Variants in DHX37 observed in about 807,000 individuals in gnomAD.
DHX37 encodes probable ATP-dependent RNA helicase DHX37.
A neutral mutation model predicts 134.3 loss-of-function variants in DHX37; 52 were observed. That is an observed-to-expected ratio of 0.39 (90% CI 0.31 to 0.49). The LOEUF (loss-of-function observed/expected upper bound fraction) is 0.49, where lower values mean the gene tolerates loss of function less well. DHX37 is among the 20% of genes least tolerant of loss of function. The pLI is 0.93. For synonymous variants in DHX37, 634 were observed against 670.7 expected (o/e 0.95, Z 0.85); for missense variants, 1,344 against 1,580.8 (o/e 0.85, Z 2.54).
intron 18 of DHX37, 67 bp downstream of exon 18, chr12:124,956,624 G>A (rs1450192648): frequency 2.1e-6 from 3 of 1,463,032 alleles, no homozygotes; most frequent in African/African-American, 2.9e-5. Context: ...GAGTAGCTGG[G>A]ACTCTCAGCC....
At chr12:124,954,262 G>T in intron 18 of DHX37, 51 bp from the exon 19 acceptor site, 1 of 1,518,584 alleles carries the variant, frequency 6.6e-7, no homozygotes, top group Non-Finnish European at 8.8e-7. Flanking sequence ...CTGCGCTCAG[G>T]GCCTCAGCGG....
intron 10 of DHX37, among the ~76,000 whole-genome samples, chr12:124,968,321 C>T (rs906587286): frequency 1.1e-4 from 16 of 152,098 alleles, no homozygotes; most frequent in African/African-American, 3.9e-4. Context: ...ATGGCAAGCT[C>T]CACCATCTGG....
intron 21 of DHX37, among the ~76,000 whole-genome samples, chr12:124,951,692 A>G (rs1953980292): frequency 6.6e-6 from 1 of 152,174 alleles, no homozygotes; most frequent in Non-Finnish European, 1.5e-5. Context: ...GGAGTTCAAG[A>G]CTAGCCTGGG....
chr12:124,973,532 T>C (rs7963891), intron 6 of DHX37, among the ~76,000 whole-genome samples: 80,191 of 151,212 alleles, frequency 0.53, 21,673 homozygotes, highest in East Asian at 0.79. Flanking sequence ...AGAGTACAGA[T>C]CCAACAGGCT....
chr12:124,965,015 A>C lies in DHX37; in HGVS notation c.1736-9T>G, dbSNP rs775814354. The C allele has an allele frequency of 1.9e-6, 3 of 1,589,946 alleles. No individual in the cohort carries two copies. In the East Asian group the frequency reaches 6.8e-5, roughly 36 times the overall value. On this transcript the variant is annotated splice_polypyrimidine_tract_variant and intron_variant, in intron 13 of 26. Transcript: ENST00000308736. ...GGCATCCGGCTGCTCACCTGGAGGG[A>C]AAGCAGAGGTCACTGGCACCCAGGC...
At chr12:124,975,087 C>T (rs1321279867) in intron 6 of DHX37, among the ~76,000 whole-genome samples, 1 of 152,140 alleles carries the variant, frequency 6.6e-6, no homozygotes, top group Non-Finnish European at 1.5e-5. Context: ...AGATTTTGTA[C>T]TTTAGAACCT....
At position 124,950,352 on chromosome 12, in the gene DHX37, G is replaced by C. The variant is rs562557745; in HGVS notation, c.3121+61C>G. 6.3e-6 allele frequency: 10 copies of C among 1,596,146 alleles called. No individual in the cohort carries two copies. In the African/African-American group the frequency reaches 1.3e-4, roughly 21 times the overall value. On this transcript the variant is annotated intron_variant, in intron 23 of 26. Coordinates refer to ENST00000308736, the MANE Select transcript of DHX37 (RefSeq NM_032656.4). ...GTCCGGGGGCAGGGGACAGGACCGTGTGTCCGAGAAGCCCACGGCTGCAGG... is the reference window on the plus strand; with the variant it reads ...GTCCGGGGGCAGGGGACAGGACCGTCTGTCCGAGAAGCCCACGGCTGCAGG...
At position 124,960,071 on chromosome 12, in the gene DHX37, G is replaced by A. The variant is rs114607252; in HGVS notation, c.2157+241C>T. ...CACGGACGGATAGTACATGAACAGC[G>A]TGCAGGACCCTGCTGCCTCTATTCC... is the stretch of plus-strand genomic sequence containing the variant. On this transcript the variant is annotated intron_variant, in intron 16 of 26. Transcript: ENST00000308736. Among the ~76,000 whole-genome samples, 7 of 152,362 alleles carry A rather than the reference G, an allele frequency of 4.6e-5. No homozygotes were observed. In the East Asian group the frequency reaches 7.7e-4, roughly 17 times the overall value.
At chr12:124,985,015 GAGTGACGC>G (rs1954837600) in intron 2 of DHX37, among the ~76,000 whole-genome samples, 1 of 152,150 alleles carries the variant, frequency 6.6e-6, no homozygotes, top group Admixed American at 6.6e-5. Flanking sequence ...GCAGAGATTG[GAGTGACGC>G]AGCCACAAGC....
At chr12:124,975,698 C>T (rs996658784) in intron 5 of DHX37, among the ~76,000 whole-genome samples, 187 bp from the exon 6 acceptor site, 2 of 152,198 alleles carry the variant, frequency 1.3e-5, no homozygotes, top group African/African-American at 4.8e-5. Context: ...ACATAGAAAA[C>T]GGTTCGACAT....
chr12:124,978,018 T>A (rs1954679328), intron 4 of DHX37, among the ~76,000 whole-genome samples: 1 of 152,206 alleles, frequency 6.6e-6, no homozygotes, highest in African/African-American at 2.4e-5. Context: ...GTGTATGCAA[T>A]GGCGCGATCT....
chr12:124,972,757 C>T (rs563632169), intron 6 of DHX37, 158 bp from the exon 7 acceptor site: 1 of 189,924 alleles, frequency 5.3e-6, no homozygotes, highest in South Asian at 1.8e-4. Context: ...GTCCACTCTC[C>T]CCCTCCAAAA....
In DHX37 at chr12:124,980,785, C is replaced by T; in HGVS notation, c.443G>A (p.Gly148Asp). Reference protein sequence around the residue: ...PGQEKISSLSGAHRKRRRWPS... With the variant: ...PGQEKISSLSDAHRKRRRWPS... ...CCAGCGGCGACGCTTCCGGTGGGCA[C>T]CGCTGAGGCTACTGATCTTCTCCTG... Residue 148 changes from glycine (G) to aspartate (D), a missense_variant, in exon 4 of 27, where the codon GGT (glycine) becomes GAT (aspartate). By Grantham distance (94) the Gly-to-Asp change is moderately conservative. Transcript: ENST00000308736. The surrounding 1 kb of genome is among the most constrained non-coding windows in gnomAD (Gnocchi z 5.3). The T allele has an allele frequency of 6.4e-7, 1 of 1,557,158 alleles. No individual in the cohort carries two copies. The highest frequency in any genetic ancestry group is 1.2e-5 in the South Asian group (1 of 85,684).
At chr12:124,970,189 G>A (rs1954485688) in intron 8 of DHX37, among the ~76,000 whole-genome samples, 1 of 152,126 alleles carries the variant, frequency 6.6e-6, no homozygotes, top group Non-Finnish European at 1.5e-5. Flanking sequence ...GGCCAGGCTG[G>A]TCTTGAACTC....
At chr12:124,960,126 G>A (rs1594482003) in intron 16 of DHX37, among the ~76,000 whole-genome samples, 186 bp downstream of exon 16, 4 of 152,352 alleles carry the variant, frequency 2.6e-5, no homozygotes, top group East Asian at 3.9e-4. Flanking sequence ...GTCCACGGGC[G>A]ATGCAGCACT....
chr12:124,978,761 C>T (rs1246333824), intron 4 of DHX37, among the ~76,000 whole-genome samples: 1 of 150,824 alleles, frequency 6.6e-6, no homozygotes, highest in Non-Finnish European at 1.5e-5. Flanking sequence ...TCTGTCTCTA[C>T]AAAAAAATAA....
rs1953899349 is a variant in DHX37 at position 124,947,556 on chromosome 12, G to A, written c.*246C>T. 6 of 496,958 alleles carry A rather than the reference G, an allele frequency of 1.2e-5. No homozygotes were observed. The South Asian group carries it at 1.8e-4, about 15-fold the overall frequency. The allele number at this position is 496,958 out of a possible 1,614,324, so 30.8% of individuals were successfully genotyped here. On this transcript the variant is annotated 3_prime_UTR_variant, in exon 27 of 27. Transcript: ENST00000308736. ...CACTGAACAGAACAGCGTCCAGCACGTGAGATGAAATCATCATCCACCATA... is the reference window on the plus strand; with the variant it reads ...CACTGAACAGAACAGCGTCCAGCACATGAGATGAAATCATCATCCACCATA...
At chr12:124,983,965 G>A (rs1281811547) in intron 2 of DHX37, among the ~76,000 whole-genome samples, 5 of 152,126 alleles carry the variant, frequency 3.3e-5, no homozygotes, top group African/African-American at 1.2e-4. Flanking sequence ...AAGGCTCCAG[G>A]TCAGGGTTCC....
chr12:124,970,495 T>G (rs1402078620), intron 8 of DHX37, among the ~76,000 whole-genome samples: 1 of 152,170 alleles, frequency 6.6e-6, no homozygotes, highest in African/African-American at 2.4e-5. Context: ...AGACTTCTCC[T>G]CGCTCTGCAA....
Sources: gnomAD v4.1 joint callset for allele counts (sites outside exome capture counted in the v4.1 genomes callset) on GRCh38, gnomAD v4.1.1 for gene constraint, Gnocchi (gnomAD v3.1) non-coding constraint, MANE v1.5 for transcripts, NCBI Gene and HGNC (gene_info 2026-07-23, HGNC 2026-07-21) for gene names.